The following SOX6 variants were observed in gnomAD, a reference collection of about 807,000 sequenced individuals.
The protein encoded by SOX6 is transcription factor SOX-6.
SOX6 carries 11 observed loss-of-function variants against 97.8 expected under a neutral mutation model. The observed-to-expected ratio is 0.11, with a 90% CI of 0.07 to 0.19. The LOEUF is 0.19. Among genes scored for constraint, SOX6 ranks in the 10% least tolerant of loss-of-function variants. SOX6 has a pLI of 1.00. For synonymous variants in SOX6, 360 were observed against 371.4 expected, an observed-to-expected ratio of 0.97 and a Z score of 0.35; for missense variants, 810 against 1,039.5, an observed-to-expected ratio of 0.78 and a Z score of 3.04.
chr11:16,317,269 A>G (rs1196272712), intron 3 of SOX6: 3 of 151,030 alleles, frequency 2.0e-5, no homozygotes, highest in African/African-American at 7.3e-5. Context: ...TATATATAAT[A>G]TAATACAATA....
At chr11:16,677,534 A>G (rs1330506382) in intron 3 of SOX6, among the ~76,000 whole-genome samples, 1 of 152,238 alleles carries the variant, frequency 6.6e-6, no homozygotes, top group African/African-American at 2.4e-5. Context: ...GATTATATAA[A>G]GTTAAAACGA....
intron 3 of SOX6, among the ~76,000 whole-genome samples, chr11:16,250,650 G>A (rs1853482320): frequency 6.6e-6 from 1 of 151,680 alleles, no homozygotes; most frequent in East Asian, 1.9e-4. Context: ...ATAATAACAG[G>A]AAAATTCCAA....
In SOX6 at chr11:15,972,793, A is replaced by T; in HGVS notation, c.*16T>A. ...GTGAAATGTCAGAGTACTTTAATTC[A>T]GCAAACAAAAACTCCTCAGTTGGCA... On this transcript the variant is annotated 3_prime_UTR_variant, in exon 16 of 16. Coordinates refer to ENST00000683767, the MANE Select transcript of SOX6 (RefSeq NM_001367873.1). 6.2e-7 allele frequency: 1 copy of T among 1,614,090 alleles called. No homozygotes were observed. Among genetic ancestry groups the T allele is most frequent in the African/African-American group, 1.3e-5 (1 of 75,038 alleles).
At chr11:16,149,980 G>C (rs1326646743) in intron 6 of SOX6, among the ~76,000 whole-genome samples, 1 of 152,066 alleles carries the variant, frequency 6.6e-6, no homozygotes, top group Non-Finnish European at 1.5e-5. Context: ...TAAACAATTG[G>C]GTTTGAATCT....
chr11:16,067,855 T>C (rs1349703155), intron 9 of SOX6, among the ~76,000 whole-genome samples: 1 of 152,110 alleles, frequency 6.6e-6, no homozygotes, highest in East Asian at 1.9e-4. Flanking sequence ...CCCCTTCAAA[T>C]ACTACCTTCC....
At chr11:16,519,846 G>A (rs545485567) in intron 4 of SOX6, among the ~76,000 whole-genome samples, 3 of 152,028 alleles carry the variant, frequency 2.0e-5, no homozygotes, top group African/African-American at 4.8e-5. Context: ...TTTTATCCAC[G>A]TCCTCACCAA....
At chr11:16,553,893 A>T (rs1248257885) in intron 4 of SOX6, among the ~76,000 whole-genome samples, 2 of 152,114 alleles carry the variant, frequency 1.3e-5, no homozygotes, top group Admixed American at 6.6e-5. Flanking sequence ...TGAAAAATAG[A>T]CCACTTTCTC....
chr11:16,651,684 A>G (rs776404425), intron 3 of SOX6, among the ~76,000 whole-genome samples: 25 of 152,112 alleles, frequency 1.6e-4, no homozygotes, highest in Non-Finnish European at 3.5e-4. Flanking sequence ...ACAGGGAAAA[A>G]TTGAAAGCAT....
At position 16,300,920 on chromosome 11, in the gene SOX6, G is replaced by T. The variant is rs1169704919; in HGVS notation, c.445+17526C>A. ...GATAAGGGATCACTCTGTGACCTGT[G>T]TGCTATACCTTTGATCAAGGTACAG... On this transcript the variant is annotated intron_variant, in intron 3 of 15. Transcript: ENST00000683767. This position sits in a 1 kb window ranked among gnomAD's most constrained non-coding sequence, Gnocchi z 4.1. Among the ~76,000 whole-genome samples, 1 of 152,168 alleles carries T rather than the reference G, an allele frequency of 6.6e-6. No individual in the cohort carries two copies. The highest frequency in any genetic ancestry group is 1.5e-5 in the Non-Finnish European group (1 of 68,026).
intron 4 of SOX6, among the ~76,000 whole-genome samples, chr11:16,498,041 G>A (rs1860635912): frequency 1.3e-5 from 2 of 152,132 alleles, no homozygotes; most frequent in Non-Finnish European, 2.9e-5. Flanking sequence ...TGAAATGAAG[G>A]AAAAAATATT....
intron 3 of SOX6, among the ~76,000 whole-genome samples, chr11:16,265,426 T>C (rs1214950037): frequency 2.0e-5 from 3 of 151,702 alleles, no homozygotes; most frequent in African/African-American, 2.4e-5. Flanking sequence ...GCTTGGAAAC[T>C]TAAAAACAAT....
At chr11:16,670,364 A>G (rs1374257894) in intron 3 of SOX6, among the ~76,000 whole-genome samples, 2 of 151,982 alleles carry the variant, frequency 1.3e-5, no homozygotes, top group Admixed American at 6.6e-5. Flanking sequence ...CCAAGCTCAT[A>G]CCAGCAGTAC....
rs1374413579 is a variant in SOX6 at position 16,314,367 on chromosome 11, T to C, written c.445+4079A>G. Reference sequence around the variant, plus strand: ...TAAGACCCATTTCCCTACAGAACCTTCCAATGGCTTCCAAGGCAGAAGTAA... The same window carrying C: ...TAAGACCCATTTCCCTACAGAACCTCCCAATGGCTTCCAAGGCAGAAGTAA... On this transcript the variant is annotated intron_variant, in intron 3 of 15. Coordinates refer to ENST00000683767, the MANE Select transcript of SOX6 (RefSeq NM_001367873.1). 5 of 152,186 alleles carry C rather than the reference T, an allele frequency of 3.3e-5. No homozygotes were observed. In the East Asian group the frequency reaches 9.6e-4, roughly 29 times the overall value. 9.4% of individuals were successfully genotyped at this position (152,186 alleles called of 1,614,324 possible). A position where few individuals can be genotyped will look rare whatever the true frequency, so the allele number is the denominator to read the frequency against.
chr11:16,065,128 C>T (rs1247754540), intron 9 of SOX6, among the ~76,000 whole-genome samples: 1 of 151,914 alleles, frequency 6.6e-6, no homozygotes, highest in Non-Finnish European at 1.5e-5. Context: ...CTGAAGACTC[C>T]ACAAAAACCC....
At chr11:16,127,566 A>G (rs1590212994) in intron 6 of SOX6, among the ~76,000 whole-genome samples, 1 of 152,138 alleles carries the variant, frequency 6.6e-6, no homozygotes, top group African/African-American at 2.4e-5. Context: ...AGATTATAAA[A>G]CTGTATTTGA....
At chr11:16,731,649 G>A (rs1351356752) in intron 2 of SOX6, among the ~76,000 whole-genome samples, 1 of 152,074 alleles carries the variant, frequency 6.6e-6, no homozygotes, top group South Asian at 2.1e-4. Flanking sequence ...ATACTGAATG[G>A]GCAAAAACCG....
intron 3 of SOX6, among the ~76,000 whole-genome samples, chr11:16,308,235 G>GA (rs1855495473): frequency 2.6e-5 from 4 of 152,114 alleles, no homozygotes. Context: ...CATAATGAAA[G>GA]AAAATGAATC....
intron 3 of SOX6, chr11:16,314,449 T>C (rs1366233676): frequency 6.6e-6 from 1 of 152,196 alleles, no homozygotes; most frequent in Non-Finnish European, 1.5e-5. Context: ...ATGGAATTTA[T>C]TATATACTAG....
chr11:16,398,380 T>A (rs1488126405), intron 1 of SOX6, among the ~76,000 whole-genome samples: 1 of 151,504 alleles, frequency 6.6e-6, no homozygotes, highest in Non-Finnish European at 1.5e-5. Context: ...CCTGGCCTTT[T>A]AGCTAGTTAT....
Sources: gnomAD v4.1 joint callset for allele counts (sites outside exome capture counted in the v4.1 genomes callset) on GRCh38, gnomAD v4.1.1 for gene constraint, Gnocchi (gnomAD v3.1) non-coding constraint, MANE v1.5 for transcripts, NCBI Gene and HGNC (gene_info 2026-07-23, HGNC 2026-07-21) for gene names.